Variants in TACC3 observed in about 807,000 individuals in gnomAD.
TACC3 encodes the protein transforming acidic coiled-coil containing protein 3, also known as transforming acidic coiled-coil-containing protein 3.
TACC3 carries 52 observed loss-of-function variants against 86.0 expected under a neutral mutation model. The ratio of observed to expected loss-of-function variants is 0.60; its 90% CI spans 0.48 to 0.76. TACC3 has a LOEUF of 0.76. Ranked by LOEUF, TACC3 falls within the 30% of genes least tolerant of loss-of-function variation. The pLI is 0.00. For missense variants in TACC3, 1,120 were observed against 1,070.4 expected, an observed-to-expected ratio of 1.05 and a Z score of -0.65; for synonymous variants, 512 against 430.0, an observed-to-expected ratio of 1.19 and a Z score of -2.36.
chr4:1,721,180 G>A (rs1315870277), upstream of TACC3: 1 of 194,858 alleles, frequency 5.1e-6, no homozygotes, highest in Non-Finnish European at 1.0e-5. Context: ...CGGCCCTGGA[G>A]GCGGCACCGC....
intron 1 of TACC3, among the ~76,000 whole-genome samples, chr4:1,722,291 T>G (rs1480674717): frequency 4.6e-5 from 7 of 152,102 alleles, no homozygotes; most frequent in Non-Finnish European, 1.0e-4. Flanking sequence ...TTCCTCCGAG[T>G]CACTTTCTCC....
chr4:1,731,700 A>G (rs1232359108), intron 6 of TACC3, among the ~76,000 whole-genome samples: 1 of 152,106 alleles, frequency 6.6e-6, no homozygotes, highest in Non-Finnish European at 1.5e-5. Flanking sequence ...CAGTGGCACA[A>G]TCTGGGTTCA....
Position 1,735,451 on chromosome 4 carries a change from T to A in TACC3, c.1644+126T>A. ...CAGCTGCACACAGGCCCAGGCATTG[T>A]GGCGGGCTGTGAATCCAGGGCCCCT... is the stretch of plus-strand genomic sequence containing the variant. On this transcript the variant is annotated intron_variant, in intron 7 of 15. Transcript: ENST00000313288. This position sits in a 1 kb window ranked among gnomAD's most constrained non-coding sequence, Gnocchi z 4.2. 2 of 1,118,326 alleles carry A rather than the reference T, an allele frequency of 1.8e-6. No homozygotes were observed. The highest frequency in any genetic ancestry group is 2.6e-6 in the Non-Finnish European group (2 of 758,244). 69.3% of individuals were successfully genotyped at this position (1,118,326 alleles called of 1,614,324 possible). A position where few individuals can be genotyped will look rare whatever the true frequency, so the allele number is the denominator to read the frequency against.
At chr4:1,740,260 G>T (rs986032775) in intron 12 of TACC3, 26 of 577,392 alleles carry the variant, frequency 4.5e-5, no homozygotes, top group Non-Finnish European at 7.7e-5. Flanking sequence ...CTAGCAGTGG[G>T]GCTGTGGTGG....
intron 3 of TACC3, among the ~76,000 whole-genome samples, chr4:1,725,598 C>G (rs920458761): frequency 2.0e-5 from 3 of 152,202 alleles, no homozygotes; most frequent in Non-Finnish European, 4.4e-5. Context: ...GATCCCCTGC[C>G]TCTCCCCTAT....
intron 3 of TACC3, 62 bp from the exon 4 acceptor site, chr4:1,727,646 G>A: frequency 6.6e-7 from 1 of 1,522,754 alleles, no homozygotes; most frequent in Non-Finnish European, 8.8e-7. Flanking sequence ...GAGAATGAAT[G>A]CTGAGGCCCC....
chr4:1,742,992 GC>G (rs1718667093), intron 13 of TACC3, among the ~76,000 whole-genome samples: 1 of 152,092 alleles, frequency 6.6e-6, no homozygotes, highest in Non-Finnish European at 1.5e-5. Flanking sequence ...GAAAAACTAG[GC>G]CGGCTTATGC....
intron 6 of TACC3, among the ~76,000 whole-genome samples, chr4:1,733,976 CA>C (rs59539835): frequency 1.8e-3 from 218 of 123,376 alleles, no homozygotes; most frequent in East Asian, 0.014. Flanking sequence ...GACTCTGTCT[CA>C]AAAAAAAAAA....
intron 6 of TACC3, among the ~76,000 whole-genome samples, chr4:1,732,664 A>G (rs1278590255): frequency 6.6e-6 from 1 of 152,222 alleles, no homozygotes; most frequent in Non-Finnish European, 1.5e-5. Flanking sequence ...TGGGGATATC[A>G]GCTCAGCTGG....
At chr4:1,737,800 T>C (rs867214772) in intron 10 of TACC3, 98 bp downstream of exon 10, 4 of 457,608 alleles carry the variant, frequency 8.7e-6, no homozygotes, top group Non-Finnish European at 6.4e-6. Flanking sequence ...CCGCCATCCC[T>C]GCCATCCCTG....
rs368890339 is a variant in TACC3, at chr4:1,728,202, G to A, written c.800G>A (p.Gly267Asp). Residue 267 changes from glycine (G) to aspartate (D), a missense_variant, in exon 4 of 16, where the codon GGT becomes GAT. By Grantham distance (94) the Gly-to-Asp change is moderately conservative. Transcript: ENST00000313288. ...GCCTGCGGAGGAGCACCCCTGCAGG[G>A]TCTGCCTGGCGAAGCCCTGGGCTGC... ...KEACGGAPLQ[G>D]LPGEALGCPA... 3.7e-6 allele frequency: 6 copies of A among 1,611,908 alleles called. No homozygotes were observed. Among genetic ancestry groups the A allele is most frequent in the Non-Finnish European group, 4.2e-6 (5 of 1,179,596 alleles).
chr4:1,720,877 C>A (rs1215922550), upstream of TACC3: 6 of 1,538,050 alleles, frequency 3.9e-6, no homozygotes, highest in Non-Finnish European at 2.6e-6. This position sits in a 1 kb window ranked among gnomAD's most constrained non-coding sequence, Gnocchi z 4.4. Flanking sequence ...GGCCCCCGCC[C>A]CGGCGCGCGG....
intron 5 of TACC3, 94 bp downstream of exon 5, chr4:1,731,056 G>T: frequency 1.9e-6 from 3 of 1,598,168 alleles, no homozygotes; most frequent in Non-Finnish European, 2.6e-6. Context: ...GGGTGACGGG[G>T]TGGGATGTCC....
intron 3 of TACC3, 91 bp downstream of exon 3, chr4:1,723,961 T>G: frequency 2.4e-4 from 325 of 1,353,750 alleles, no homozygotes; most frequent in Non-Finnish European, 3.0e-4. Flanking sequence ...TATCAGGCCT[T>G]GGCTGGATTT....
intron 4 of TACC3, chr4:1,730,630 G>A (rs12641597): frequency 0.027 from 16,993 of 626,144 alleles, 401 homozygotes; most frequent in South Asian, 0.069. Flanking sequence ...TGGCTGCATC[G>A]TGCTGACTTT....
chr4:1,724,912 C>A (rs903907098), intron 3 of TACC3, among the ~76,000 whole-genome samples: 4 of 149,968 alleles, frequency 2.7e-5, no homozygotes. Context: ...AACTGTGAGC[C>A]ACCATGCCCG....
chr4:1,739,750 G>A lies in TACC3; in HGVS notation c.1990G>A (p.Glu664Lys). ...ENRELRSRCE[E>K]LHGKNLELGK... ...CCGGGAGCTGAGGAGCAGGTGTGAGGAGCTCCACGGGAAGAACCTGGAACT... is the reference window on the plus strand; with the variant it reads ...CCGGGAGCTGAGGAGCAGGTGTGAGAAGCTCCACGGGAAGAACCTGGAACT... The change falls in exon 11 of 16, where the codon GAG (glutamate) becomes AAG (lysine). Residue 664 changes from glutamate to lysine, a missense_variant. Coordinates refer to ENST00000313288, the MANE Select transcript of TACC3 (RefSeq NM_006342.3). 1.9e-6 allele frequency: 3 copies of A among 1,587,366 alleles called. No individual in the cohort carries two copies. In the South Asian group the frequency reaches 3.4e-5, roughly 18 times the overall value.
rs35896374 is a variant in TACC3 at position 1,724,379 on chromosome 4, C to CTT, written c.305+534_305+535dup. On this transcript the variant is annotated intron_variant, in intron 3 of 15. Transcript: ENST00000313288. ...GATACTTGGATAACTTCATACTTCA[C>CTT]TTTTTTTTTTTTTTTTTTTTTTTTT... Among the ~76,000 whole-genome samples the CTT allele has an allele frequency of 1.9e-3, 201 of 108,362 alleles. 15 individuals carry two copies. The highest frequency in any genetic ancestry group is 5.7e-3 in the African/African-American group (145 of 25,420). The allele number at this position is 108,362 out of a possible 152,430, so 71.1% of individuals were successfully genotyped here.
chr4:1,745,095 C>T lies in TACC3; in HGVS notation c.*82C>T. 1 of 1,407,094 alleles carries T rather than the reference C, an allele frequency of 7.1e-7. No individual in the cohort carries two copies. The highest frequency in any genetic ancestry group is 9.6e-7 in the Non-Finnish European group (1 of 1,037,252). 87.2% of individuals were successfully genotyped at this position (1,407,094 alleles called of 1,614,324 possible). On this transcript the variant is annotated 3_prime_UTR_variant, in exon 16 of 16. Coordinates refer to ENST00000313288, the MANE Select transcript of TACC3 (RefSeq NM_006342.3). ...TCTCTTAGGTGTCATGTTCTTTTTT[C>T]TGTCTTGTCTTCAACTTTTTTAAAA...
Sources: allele counts gnomAD v4.1 joint callset (sites outside exome capture counted in the v4.1 genomes callset), GRCh38; gene constraint gnomAD v4.1.1; non-coding constraint Gnocchi (gnomAD v3.1); transcripts MANE v1.5; gene names NCBI Gene and HGNC (gene_info 2026-07-23, HGNC 2026-07-21).